NOL4: variants seen among roughly 807,000 people sequenced by gnomAD.
The protein encoded by NOL4 is nucleolar protein 4, also known as cancer/testis antigen 125.
In NOL4, 17 loss-of-function variants were observed where a neutral mutation model predicts 75.9. The ratio of observed to expected loss-of-function variants is 0.22; its 90% CI spans 0.15 to 0.34. The LOEUF is 0.34. Ranked by LOEUF, NOL4 falls within the 10% of genes least tolerant of loss-of-function variation. The pLI is 1.00. For missense variants in NOL4, 614 were observed against 793.5 expected (o/e 0.77, Z 2.72); for synonymous variants, 292 against 289.9 (o/e 1.01, Z -0.07).
At chr18:34,151,391 A>T (rs2081629603) in intron 1 of NOL4, among the ~76,000 whole-genome samples, 1 of 151,850 alleles carries the variant, frequency 6.6e-6, no homozygotes, top group Admixed American at 6.6e-5. Context: ...ATGAACTATC[A>T]AGCCATGAAA....
In NOL4 at chr18:34,050,482, A is replaced by G. The variant is rs555131899; in HGVS notation, c.773-30881T>C. ...TTCCTTTAGGACTGACTACCTGGAC[A>G]TCGATCATATTATATATTGTCTAGC... On this transcript the variant is annotated intron_variant, in intron 5 of 10. Coordinates refer to ENST00000261592, the MANE Select transcript of NOL4 (RefSeq NM_003787.5). Among the ~76,000 whole-genome samples the G allele has an allele frequency of 2.6e-5, 4 of 152,226 alleles. No homozygotes were observed. The East Asian group carries it at 7.7e-4, about 29-fold the overall frequency.
chr18:34,199,279 C>T (rs2035567215), intron 1 of NOL4, among the ~76,000 whole-genome samples: 2 of 151,632 alleles, frequency 1.3e-5, no homozygotes, highest in East Asian at 3.9e-4. Context: ...GTACCAGGGC[C>T]ACATCTGCTG....
At chr18:34,109,600 C>G (rs1056488248) in intron 2 of NOL4, among the ~76,000 whole-genome samples, 4 of 151,284 alleles carry the variant, frequency 2.6e-5, no homozygotes, top group Non-Finnish European at 4.4e-5. Context: ...AGCTTTATAT[C>G]TCAAAGAAGT....
chr18:34,114,728 G>A lies in NOL4; in HGVS notation c.415-9568C>T, dbSNP rs191792652. Among the ~76,000 whole-genome samples, 132 of 152,200 alleles carry A rather than the reference G, an allele frequency of 8.7e-4. 2 individuals are homozygous for A. The highest frequency in any genetic ancestry group is 8.1e-3 in the East Asian group (42 of 5,180). On this transcript the variant is annotated intron_variant, in intron 2 of 10. Transcript: ENST00000261592. ...CTGTAAAGAGATGAAATGAATTGTC[G>A]TTGTTACACAGCAGAGGGCAAAGTA...
At chr18:34,212,533 A>G (rs911206104) in intron 1 of NOL4, among the ~76,000 whole-genome samples, 6 of 152,182 alleles carry the variant, frequency 3.9e-5, no homozygotes, top group Admixed American at 3.9e-4. Flanking sequence ...ATGGCTTACA[A>G]CTTCTCAAAC....
intron 2 of NOL4, among the ~76,000 whole-genome samples, chr18:34,108,982 A>G (rs1312539767): frequency 1.3e-5 from 2 of 152,158 alleles, no homozygotes; most frequent in African/African-American, 4.8e-5. Context: ...AAAACTGAAA[A>G]CATATGAAAA....
chr18:34,171,598 A>G (rs1302214750), intron 1 of NOL4, among the ~76,000 whole-genome samples: 3 of 152,190 alleles, frequency 2.0e-5, no homozygotes, highest in South Asian at 2.1e-4. Flanking sequence ...TAAAAGTCCA[A>G]TTAGGTTAAC....
chr18:33,919,005 A>G (rs2058714141), intron 9 of NOL4, among the ~76,000 whole-genome samples: 1 of 152,168 alleles, frequency 6.6e-6, no homozygotes, highest in Non-Finnish European at 1.5e-5. Flanking sequence ...TAAATAAATG[A>G]TTAAATAAAA....
At chr18:33,955,123 C>T (rs1248296368) in intron 8 of NOL4, among the ~76,000 whole-genome samples, 2 of 151,830 alleles carry the variant, frequency 1.3e-5, no homozygotes, top group African/African-American at 4.8e-5. Context: ...ACTCATGTTG[C>T]GTGAAGAATA....
intron 1 of NOL4, among the ~76,000 whole-genome samples, chr18:34,180,933 A>G (rs1297634832): frequency 6.6e-6 from 1 of 151,490 alleles, no homozygotes; most frequent in Non-Finnish European, 1.5e-5. Context: ...AGATTAAAAT[A>G]ATGAAAATAT....
intron 9 of NOL4, among the ~76,000 whole-genome samples, chr18:33,886,914 A>G (rs2064727853): frequency 9.0e-6 from 1 of 111,044 alleles, no homozygotes; most frequent in Non-Finnish European, 2.1e-5. Flanking sequence ...AGATATATCT[A>G]TATACATATA....
At chr18:34,096,862 C>G (rs1170301479) in intron 4 of NOL4, among the ~76,000 whole-genome samples, 1 of 152,132 alleles carries the variant, frequency 6.6e-6, no homozygotes, top group East Asian at 1.9e-4. Flanking sequence ...TGTTATTGAG[C>G]TTTTATTTCT....
At chr18:34,186,260 G>C (rs1178301305) in intron 1 of NOL4, among the ~76,000 whole-genome samples, 1 of 151,938 alleles carries the variant, frequency 6.6e-6, no homozygotes, top group Non-Finnish European at 1.5e-5. Context: ...TTTTGCTACT[G>C]TCCAAAATAA....
chr18:33,972,908 C>T (rs961169128), intron 6 of NOL4, among the ~76,000 whole-genome samples: 4 of 152,240 alleles, frequency 2.6e-5, no homozygotes, highest in Admixed American at 2.6e-4. Flanking sequence ...TTGATGGTTG[C>T]TGACCGATCA....
At chr18:33,901,513 A>G (rs977276166) in intron 9 of NOL4, among the ~76,000 whole-genome samples, 3 of 152,142 alleles carry the variant, frequency 2.0e-5, no homozygotes. Flanking sequence ...ACTTTGTGTA[A>G]TTTAAAATCT....
At chr18:33,983,666 G>A (rs2072184120) in intron 6 of NOL4, among the ~76,000 whole-genome samples, 1 of 150,396 alleles carries the variant, frequency 6.6e-6, no homozygotes, top group Admixed American at 6.6e-5. Flanking sequence ...ACACATATAT[G>A]TAAACATGCA....
At chr18:33,920,051 C>T (rs2066939602) in intron 9 of NOL4, among the ~76,000 whole-genome samples, 2 of 152,068 alleles carry the variant, frequency 1.3e-5, no homozygotes, top group Admixed American at 1.3e-4. Flanking sequence ...ATGACAACTC[C>T]AATACTTATG....
intron 5 of NOL4, among the ~76,000 whole-genome samples, chr18:34,025,977 AG>A (rs1407118791): frequency 6.6e-6 from 1 of 152,172 alleles, no homozygotes; most frequent in African/African-American, 2.4e-5. Flanking sequence ...TCATTGATGT[AG>A]CTGAATTTCT....
chr18:33,878,741 G>T (rs1385790991), intron 10 of NOL4, among the ~76,000 whole-genome samples: 1 of 151,912 alleles, frequency 6.6e-6, no homozygotes, highest in Non-Finnish European at 1.5e-5. Context: ...TATATTTTGT[G>T]TTTTTTAAAA....
Sources: gnomAD v4.1 joint callset for allele counts (sites outside exome capture counted in the v4.1 genomes callset) on GRCh38, gnomAD v4.1.1 for gene constraint, MANE v1.5 for transcripts, NCBI Gene and HGNC (gene_info 2026-07-23, HGNC 2026-07-21) for gene names.